Variants in SEMA4D observed in about 807,000 individuals in gnomAD.
SEMA4D encodes semaphorin 4D.
A neutral mutation model predicts 74.8 loss-of-function variants in SEMA4D; 22 were observed. That is an observed-to-expected ratio of 0.29 (90% CI 0.21 to 0.42). The LOEUF (loss-of-function observed/expected upper bound fraction) is 0.42, where lower values mean the gene tolerates loss of function less well. Among genes scored for constraint, SEMA4D ranks in the 10% least tolerant of loss-of-function variants. The pLI is 1.00. For synonymous variants in SEMA4D, 445 were observed against 463.7 expected, an observed-to-expected ratio of 0.96 and a Z score of 0.52; for missense variants, 937 against 1,118.4, an observed-to-expected ratio of 0.84 and a Z score of 2.31.
chr9:89,362,406 A>C (rs148210520), exon 19 of SEMA4D: 3 of 1,614,058 alleles, frequency 1.9e-6, no homozygotes, highest in Non-Finnish European at 2.5e-6. Flanking sequence ...TGGTGGCTAC[A>C]GGGTGTCCTT....
intron 2 of SEMA4D, among the ~76,000 whole-genome samples, chr9:89,423,932 C>A (rs1847560144): frequency 6.7e-6 from 1 of 149,896 alleles, no homozygotes; most frequent in South Asian, 2.2e-4. Context: ...ACCTCCCTTC[C>A]CTCAGCTACT....
downstream of SEMA4D, chr9:89,376,556 GAC>G (rs1244501137): frequency 8.1e-6 from 3 of 369,724 alleles, no homozygotes; most frequent in East Asian, 4.5e-5. Context: ...TAGTGGCTGT[GAC>G]ACAGCCTGCA....
intron 18 of SEMA4D, chr9:89,363,305 TC>T: frequency 7.1e-7 from 1 of 1,400,662 alleles, no homozygotes; most frequent in Non-Finnish European, 9.5e-7. Context: ...AGGAAACTGC[TC>T]CGGGGCTAAG....
chr9:89,464,088 A>C (rs1251513678), intron 1 of SEMA4D, among the ~76,000 whole-genome samples: 1 of 152,132 alleles, frequency 6.6e-6, no homozygotes, highest in East Asian at 1.9e-4. Context: ...TCAGAACACC[A>C]GTCAAAAATG....
At chr9:89,411,050 G>A (rs1177630936) in intron 2 of SEMA4D, among the ~76,000 whole-genome samples, 1 of 152,206 alleles carries the variant, frequency 6.6e-6, no homozygotes, top group African/African-American at 2.4e-5. Context: ...CTGCTTCCCA[G>A]GTCTTCTTTC....
chr9:89,406,306 C>T (rs1843318357), intron 2 of SEMA4D, among the ~76,000 whole-genome samples: 1 of 152,168 alleles, frequency 6.6e-6, no homozygotes, highest in African/African-American at 2.4e-5. Context: ...CAAATGGGAC[C>T]CTGCTAGCTC....
chr9:89,395,041 C>T (rs1160328608), intron 6 of SEMA4D, among the ~76,000 whole-genome samples: 4 of 152,102 alleles, frequency 2.6e-5, no homozygotes, highest in African/African-American at 9.7e-5. Flanking sequence ...CAGACACGTG[C>T]ACACACACAC....
intron 2 of SEMA4D, among the ~76,000 whole-genome samples, chr9:89,422,941 C>T (rs1013334226): frequency 6.6e-6 from 1 of 152,146 alleles, no homozygotes. Context: ...ACCTGTATAA[C>T]CATTTTAGAG....
At chr9:89,391,035 A>T (rs1216508848) in intron 9 of SEMA4D, among the ~76,000 whole-genome samples, 2 of 152,260 alleles carry the variant, frequency 1.3e-5, no homozygotes, top group Non-Finnish European at 2.9e-5. Context: ...GTGCATTAAA[A>T]GAAAGAACCT....
intron 5 of SEMA4D, among the ~76,000 whole-genome samples, chr9:89,398,687 G>A (rs908002151): frequency 2.6e-5 from 4 of 152,150 alleles, no homozygotes; most frequent in African/African-American, 4.8e-5. Context: ...CTGGGGCTGC[G>A]GGGGTCACAG....
rs1368665963 is a variant in SEMA4D at position 89,377,897 on chromosome 9, A to C, written c.*807T>G. The C allele has an allele frequency of 2.6e-5, 4 of 152,322 alleles. No homozygotes were observed. The highest frequency in any genetic ancestry group is 2.1e-4 in the South Asian group (1 of 4,830). The allele number at this position is 152,322 out of a possible 1,614,324, so 9.4% of individuals were successfully genotyped here. A position where few individuals can be genotyped will look rare whatever the true frequency, so the allele number is the denominator to read the frequency against. ...TTCTTCGAGAGAGTAAAAGTTAAAA[A>C]AAAAGAAAAGTAAAACGAAGTACAG... On this transcript the variant is annotated 3_prime_UTR_variant, in exon 16 of 16. Coordinates refer to ENST00000422704, the MANE Select transcript of SEMA4D (RefSeq NM_001371194.2).
intron 13 of SEMA4D, chr9:89,385,866 G>GGGGGGGGGGGGGCCCCCCCCCCCCCC: frequency 5.1e-6 from 1 of 196,226 alleles, no homozygotes; most frequent in Non-Finnish European, 9.0e-6. Context: ...CAGCGTGGAT[G>GGGGGGGGGGGGGCCCCCCCCCCCCCC]CCCGCCCACC....
chr9:89,395,517 T>G (rs1840766717), intron 6 of SEMA4D, among the ~76,000 whole-genome samples: 2 of 152,204 alleles, frequency 1.3e-5, no homozygotes, highest in Non-Finnish European at 2.9e-5. Context: ...CTACAGAATG[T>G]AAGTTTAAAT....
intron 2 of SEMA4D, among the ~76,000 whole-genome samples, chr9:89,416,024 T>A (rs996028283): frequency 6.6e-6 from 1 of 152,242 alleles, no homozygotes; most frequent in African/African-American, 2.4e-5. Context: ...TTTCCACCTC[T>A]TATAAAACTG....
intron 2 of SEMA4D, among the ~76,000 whole-genome samples, chr9:89,423,745 G>A (rs4877088): frequency 0.23 from 29,492 of 129,610 alleles, 3,374 homozygotes; most frequent in Non-Finnish European, 0.26. Context: ...CACCTCCCCC[G>A]GCTATTACCT....
exon 19 of SEMA4D, chr9:89,361,264 G>A (rs1272736412): frequency 2.0e-5 from 3 of 152,190 alleles, no homozygotes; most frequent in African/African-American, 7.2e-5. Flanking sequence ...GAAGGAATTA[G>A]CAGGCGATGT....
rs139922625 is a variant in SEMA4D at position 89,415,719 on chromosome 9, T to C, written c.-243-10020A>G. Among the ~76,000 whole-genome samples the C allele has an allele frequency of 1.8e-4, 27 of 152,318 alleles. No homozygotes were observed. In the East Asian group the frequency reaches 5.2e-3, roughly 29 times the overall value. On this transcript the variant is annotated intron_variant, in intron 2 of 15. Transcript: ENST00000422704. ...TCCGGAATGGATAAATAAATGTCTGTTTTTATGTCACCCAGTCTATGACAT... is the reference window on the plus strand; with the variant it reads ...TCCGGAATGGATAAATAAATGTCTGCTTTTATGTCACCCAGTCTATGACAT...
intron 3 of SEMA4D, among the ~76,000 whole-genome samples, chr9:89,403,981 A>G (rs11265778): frequency 6.6e-6 from 1 of 152,200 alleles, no homozygotes; most frequent in Non-Finnish European, 1.5e-5. Flanking sequence ...TAATTTTCCC[A>G]TGTGGAAGAG....
At chr9:89,364,092 C>T in intron 16 of SEMA4D, 1 of 1,543,820 alleles carries the variant, frequency 6.5e-7, no homozygotes, top group Non-Finnish European at 8.7e-7. Flanking sequence ...GTCCCTGGGA[C>T]TGCCCTGGAG....
Sources: gnomAD v4.1 joint callset for allele counts (sites outside exome capture counted in the v4.1 genomes callset) on GRCh38, gnomAD v4.1.1 for gene constraint, MANE v1.5 for transcripts, NCBI Gene and HGNC (gene_info 2026-07-23, HGNC 2026-07-21) for gene names.